The following DNMT3L variants were observed in gnomAD, a reference collection of about 807,000 sequenced individuals.
DNMT3L encodes DNA methyltransferase 3 like.
DNMT3L carries 33 observed loss-of-function variants against 36.2 expected under a neutral mutation model. That is an observed-to-expected ratio of 0.91 (90% CI 0.69 to 1.22). The LOEUF (loss-of-function observed/expected upper bound fraction) is 1.22. DNMT3L is among the 50% of genes most tolerant of loss of function. The pLI, the probability that DNMT3L is intolerant of heterozygous loss-of-function variation, is 0.00. For missense variants in DNMT3L, 310 were observed against 303.1 expected (o/e 1.02, Z -0.17); for synonymous variants, 117 against 121.7 (o/e 0.96, Z 0.26).
At chr21:44,257,693 A>AT (rs1460641169) in intron 6 of DNMT3L, among the ~76,000 whole-genome samples, 12 of 91,940 alleles carry the variant, frequency 1.3e-4, no homozygotes, top group Non-Finnish European at 2.3e-4. Context: ...AAAAAAAAAA[A>AT]AAATAAATAA....
At chr21:44,255,137 CT>C (rs1260889571) in intron 7 of DNMT3L, among the ~76,000 whole-genome samples, 2 of 152,084 alleles carry the variant, frequency 1.3e-5, no homozygotes, top group Admixed American at 6.6e-5. Context: ...CCAACTTTAT[CT>C]TTTTAATGAC....
At chr21:44,260,644 G>T in intron 3 of DNMT3L, 151 bp downstream of exon 3, 1 of 948,942 alleles carries the variant, frequency 1.1e-6, no homozygotes, top group Non-Finnish European at 1.6e-6. Flanking sequence ...TTTTTGTAGA[G>T]ACAGAGTCTC....
Position 44,259,611 on chromosome 21 carries a change from AC to A in DNMT3L, c.231+20del. 1.9e-6 allele frequency: 3 copies of A among 1,612,836 alleles called. No homozygotes were observed. The highest frequency in any genetic ancestry group is 2.5e-6 in the Non-Finnish European group (3 of 1,179,794). ...CCTGCTCTGAGGCCATGAGGGAGTC[AC>A]CCCCAGCCTCCCTGCCTACCTTACA... On this transcript the variant is annotated intron_variant, in intron 4 of 11. Transcript: ENST00000628202.
At chr21:44,256,010 C>T in intron 7 of DNMT3L, 57 bp downstream of exon 7, 5 of 1,582,686 alleles carry the variant, frequency 3.2e-6, no homozygotes, top group African/African-American at 1.3e-5. Flanking sequence ...GCCTGAGGGG[C>T]AGTCAGGTGT....
At chr21:44,255,539 G>T (rs947783052) in intron 7 of DNMT3L, among the ~76,000 whole-genome samples, 1 of 150,244 alleles carries the variant, frequency 6.7e-6, no homozygotes, top group Non-Finnish European at 1.5e-5. Context: ...CTGTATTACA[G>T]CACCAGGCAT....
At chr21:44,260,749 TGCCCC>T (rs2040310020) in intron 3 of DNMT3L, 41 bp downstream of exon 3, 1 of 1,612,438 alleles carries the variant, frequency 6.2e-7, no homozygotes, top group East Asian at 2.2e-5. Context: ...TGAGCCACTG[TGCCCC>T]GTCTCTTTTG....
chr21:44,256,526 G>A (rs1052991527), intron 6 of DNMT3L, among the ~76,000 whole-genome samples: 6 of 150,192 alleles, frequency 4.0e-5, no homozygotes, highest in African/African-American at 7.4e-5. Flanking sequence ...CCGGGTTCAA[G>A]CGATTCTCCT....
At chr21:44,261,096 A>G in intron 2 of DNMT3L, 58 bp downstream of exon 2, 2 of 1,581,026 alleles carry the variant, frequency 1.3e-6, no homozygotes, top group Middle Eastern at 1.7e-4. Flanking sequence ...TCCAGACCTC[A>G]TCCAGGCCTG....
At chr21:44,257,107 C>T (rs1234783881) in intron 6 of DNMT3L, among the ~76,000 whole-genome samples, 3 of 152,212 alleles carry the variant, frequency 2.0e-5, no homozygotes, top group Admixed American at 1.3e-4. Context: ...GGGCTGGGCC[C>T]GGTGGCTCAT....
chr21:44,255,587 C>T (rs2040251180), intron 7 of DNMT3L, among the ~76,000 whole-genome samples: 1 of 152,104 alleles, frequency 6.6e-6, no homozygotes, highest in African/African-American at 2.4e-5. Flanking sequence ...AGGAAATCCA[C>T]AGAGCAGTGG....
At chr21:44,256,307 C>G (rs1042901775) in intron 6 of DNMT3L, among the ~76,000 whole-genome samples, 153 bp from the exon 7 acceptor site, 9 of 152,044 alleles carry the variant, frequency 5.9e-5, no homozygotes, top group African/African-American at 2.2e-4. Context: ...CTGGGCCTGT[C>G]CTGACCAGCA....
At position 44,255,785 on chromosome 21, in the gene DNMT3L, T is replaced by C. The variant is rs553276068; in HGVS notation, c.604+282A>G. On this transcript the variant is annotated intron_variant, in intron 7 of 11. Transcript: ENST00000628202. ...CCCGCATGAGGCCGCTCTGAGACAC[T>C]TGTGGGCCTTAGTGGGTGTCCCAGC... is the stretch of plus-strand genomic sequence containing the variant. Among the ~76,000 whole-genome samples, 19 of 152,322 alleles carry C rather than the reference T, an allele frequency of 1.2e-4. No individual in the cohort carries two copies. In the South Asian group the frequency reaches 3.9e-3, roughly 32 times the overall value.
At chr21:44,261,086 T>A in intron 2 of DNMT3L, 68 bp downstream of exon 2, 1 of 1,566,028 alleles carries the variant, frequency 6.4e-7, no homozygotes. Flanking sequence ...AGCCTGGAAC[T>A]CCAGACCTCA....
At chr21:44,254,465 C>T (rs2040241761) in intron 8 of DNMT3L, 152 bp downstream of exon 8, 1 of 798,292 alleles carries the variant, frequency 1.3e-6, no homozygotes, top group African/African-American at 1.8e-5. Flanking sequence ...GACCCAGGAT[C>T]CCCACCAGGC....
chr21:44,258,574 C>T lies in DNMT3L; in HGVS notation c.465G>A (p.Gln155=), dbSNP rs2040284706. The T allele has an allele frequency of 6.2e-7, 1 of 1,607,754 alleles. No individual in the cohort carries two copies. Among genetic ancestry groups the T allele is most frequent in the Non-Finnish European group, 8.5e-7 (1 of 1,177,650 alleles). The part of the protein sequence containing the change: ...CLPSSRSGLL[Q]RRRKWRSQLK... ...GCTGGCTGCGCCACTTCCTCCGACG[C>T]TGCAGCAGCCCGCTTCGGGAGGACG... The change falls in exon 6 of 12, where the codon CAG becomes CAA. Residue 155 remains glutamine, a synonymous_variant. Coordinates refer to ENST00000628202, the MANE Select transcript of DNMT3L (RefSeq NM_175867.3). The surrounding 1 kb of genome is among the most constrained non-coding windows in gnomAD (Gnocchi z 6.2).
chr21:44,259,810 A>G (rs1456312099), intron 3 of DNMT3L, 99 bp from the exon 4 acceptor site: 5 of 1,208,110 alleles, frequency 4.1e-6, no homozygotes, highest in Non-Finnish European at 5.9e-6. Flanking sequence ...AGACTTATAC[A>G]CTGAAAACTG....
chr21:44,254,677 A>T lies in DNMT3L; in HGVS notation c.633T>A (p.Ser211Arg). 6.2e-7 allele frequency: 1 copy of T among 1,613,950 alleles called. No homozygotes were observed. The highest frequency in any genetic ancestry group is 2.2e-5 in the East Asian group (1 of 44,874). Residue 211 changes from serine to arginine, a missense_variant, in exon 8 of 12, where the codon AGT becomes AGA. By Grantham distance (110) the Ser-to-Arg change is moderately radical. Coordinates refer to ENST00000628202, the MANE Select transcript of DNMT3L (RefSeq NM_175867.3). ...GCTTCAGTTGTCCCGGGTCAGAACC[A>T]CTTTCCAAAAAGCCCAAACTCGTCA... ...KELTSLGFLE[S>R]GSDPGQLKHV... is the part of the protein sequence containing the mutation.
In DNMT3L at chr21:44,261,103, C is replaced by T. The variant is rs544896008; in HGVS notation, c.106+51G>A. 12 of 1,590,502 alleles carry T rather than the reference C, an allele frequency of 7.5e-6. No homozygotes were observed. In the South Asian group the frequency reaches 8.9e-5, roughly 12 times the overall value. ...CCTGGAACTCCAGACCTCATCCAGGCCTGGGATCAGCATCCTAAGTGACTG... is the reference window on the plus strand; with the variant it reads ...CCTGGAACTCCAGACCTCATCCAGGTCTGGGATCAGCATCCTAAGTGACTG... On this transcript the variant is annotated intron_variant, in intron 2 of 11. Transcript: ENST00000628202.
chr21:44,259,366 C>T, intron 5 of DNMT3L, 71 bp downstream of exon 5: 1 of 1,495,468 alleles, frequency 6.7e-7, no homozygotes, highest in African/African-American at 1.4e-5. Flanking sequence ...ACCCACACTC[C>T]AGAATGAGTA....
Sources: allele counts gnomAD v4.1 joint callset (sites outside exome capture counted in the v4.1 genomes callset), GRCh38; gene constraint gnomAD v4.1.1; non-coding constraint Gnocchi (gnomAD v3.1); transcripts MANE v1.5; gene names NCBI Gene and HGNC (gene_info 2026-07-23, HGNC 2026-07-21).